FAF1: variants seen among roughly 807,000 people sequenced by gnomAD.
The protein encoded by FAF1 is Fas associated factor 1, also known as FAS-associated factor 1.
A neutral mutation model predicts 92.5 loss-of-function variants in FAF1; 25 were observed. That is an observed-to-expected ratio of 0.27 (90% CI 0.20 to 0.38). The LOEUF (loss-of-function observed/expected upper bound fraction) is 0.38, where lower values mean the gene tolerates loss of function less well. FAF1 is among the 10% of genes least tolerant of loss of function. The pLI, the probability that FAF1 is intolerant of heterozygous loss-of-function variation, is 1.00. For missense variants in FAF1, 636 were observed against 793.3 expected, an observed-to-expected ratio of 0.80 and a Z score of 2.38; for synonymous variants, 234 against 273.2, an observed-to-expected ratio of 0.86 and a Z score of 1.42.
intron 6 of FAF1, among the ~76,000 whole-genome samples, chr1:50,719,900 G>A (rs576665740): frequency 4.6e-5 from 7 of 152,242 alleles, no homozygotes; most frequent in Non-Finnish European, 1.0e-4. Context: ...CCAATTAGAT[G>A]TGTTGTGATT....
chr1:50,822,637 T>G lies in FAF1; in HGVS notation c.115-20960A>C, dbSNP rs148507691. Reference sequence around the variant, plus strand: ...ACTGCCTTCTCTATTCAATGAAATGTGGAGAGGAAAGGAAGATTGTCAACT... The same window carrying G: ...ACTGCCTTCTCTATTCAATGAAATGGGGAGAGGAAAGGAAGATTGTCAACT... On this transcript the variant is annotated intron_variant, in intron 2 of 18. Coordinates refer to ENST00000396153, the MANE Select transcript of FAF1 (RefSeq NM_007051.3). Among the ~76,000 whole-genome samples, 4 of 152,284 alleles carry G rather than the reference T, an allele frequency of 2.6e-5. No individual in the cohort carries two copies. The East Asian group carries it at 7.7e-4, about 29-fold the overall frequency.
intron 4 of FAF1, among the ~76,000 whole-genome samples, chr1:50,757,877 C>G (rs749421782): frequency 3.9e-5 from 6 of 151,990 alleles, no homozygotes; most frequent in Non-Finnish European, 7.4e-5. Flanking sequence ...AGCTTAATGA[C>G]CATTATGTGT....
chr1:50,714,539 A>G (rs1276857955), intron 6 of FAF1, among the ~76,000 whole-genome samples: 1 of 151,890 alleles, frequency 6.6e-6, no homozygotes, highest in African/African-American at 2.4e-5. Flanking sequence ...AACCAAAACA[A>G]ACAAACAAAA....
chr1:50,451,599 G>A (rs1429591683), intron 18 of FAF1, among the ~76,000 whole-genome samples: 2 of 152,140 alleles, frequency 1.3e-5, no homozygotes, highest in Non-Finnish European at 2.9e-5. Context: ...CCCTTGCTTG[G>A]GAGGACTGTA....
intron 6 of FAF1, among the ~76,000 whole-genome samples, chr1:50,728,026 T>A (rs1237005371): frequency 6.6e-6 from 1 of 152,206 alleles, no homozygotes; most frequent in African/African-American, 2.4e-5. Context: ...AGCTTGTGAT[T>A]GTGTGAGTTA....
rs759732173 is a variant in FAF1, at chr1:50,629,161, C to CTT, written c.744+26279_744+26280dup. Among the ~76,000 whole-genome samples, 1,046 of 110,534 alleles carry CTT rather than the reference C, an allele frequency of 9.5e-3. 19 individuals are homozygous for CTT. The highest frequency in any genetic ancestry group is 0.023 in the African/African-American group (642 of 27,434). 72.5% of individuals were successfully genotyped at this position (110,534 alleles called of 152,430 possible). A position where few individuals can be genotyped will look rare whatever the true frequency, so the allele number is the denominator to read the frequency against. ...TCAATCTTATAGATCCAGATAGATG[C>CTT]TTTTTTTTTTTTTTTTTTTTTGAGA... On this transcript the variant is annotated intron_variant, in intron 8 of 18. Coordinates refer to ENST00000396153, the MANE Select transcript of FAF1 (RefSeq NM_007051.3).
intron 4 of FAF1, among the ~76,000 whole-genome samples, chr1:50,757,006 T>C (rs1431465612): frequency 1.3e-5 from 2 of 152,226 alleles, no homozygotes; most frequent in Admixed American, 6.5e-5. Flanking sequence ...CCCTTGTGAT[T>C]TCTTCTTTGA....
At position 50,862,869 on chromosome 1, in the gene FAF1, A is replaced by C. The variant is rs1448366282; in HGVS notation, c.46-4872T>G. The stretch of plus-strand genomic sequence containing the variant: ...AATGCTAAATATACATACACTAAAC[A>C]CTGGAGCTCCCATTTATAAAAGCTC... On this transcript the variant is annotated intron_variant, in intron 1 of 18. Coordinates refer to ENST00000396153, the MANE Select transcript of FAF1 (RefSeq NM_007051.3). Among the ~76,000 whole-genome samples, 9 of 151,950 alleles carry C rather than the reference A, an allele frequency of 5.9e-5. No homozygotes were observed. In the East Asian group the frequency reaches 1.7e-3, roughly 29 times the overall value.
At chr1:50,479,420 A>G (rs1214732069) in intron 17 of FAF1, among the ~76,000 whole-genome samples, 1 of 152,218 alleles carries the variant, frequency 6.6e-6, no homozygotes, top group African/African-American at 2.4e-5. Context: ...CCACTTAGCA[A>G]ATGCTGACAC....
In FAF1 at chr1:50,870,195, G is replaced by A. The variant is rs180857498; in HGVS notation, c.46-12198C>T. Among the ~76,000 whole-genome samples, 15 of 152,300 alleles carry A rather than the reference G, an allele frequency of 9.8e-5. No homozygotes were observed. The East Asian group carries it at 2.3e-3, about 23-fold the overall frequency. On this transcript the variant is annotated intron_variant, in intron 1 of 18. Coordinates refer to ENST00000396153, the MANE Select transcript of FAF1 (RefSeq NM_007051.3). ...GAAGGGGCCGGGCACATTGGCTCAC[G>A]CCTATAATCCTAGCACTTTGGGAGG...
intron 8 of FAF1, among the ~76,000 whole-genome samples, chr1:50,638,457 T>G (rs902283403): frequency 6.7e-6 from 1 of 150,148 alleles, no homozygotes; most frequent in Admixed American, 6.6e-5. Context: ...TTTTTTTTTT[T>G]TTTTTGAGAT....
chr1:50,464,897 CA>C (rs1181558073), intron 18 of FAF1, among the ~76,000 whole-genome samples: 1 of 152,214 alleles, frequency 6.6e-6, no homozygotes, highest in Non-Finnish European at 1.5e-5. Context: ...TCCAAGTATA[CA>C]GAGGACAGGA....
chr1:50,475,731 A>G (rs1361607431), intron 17 of FAF1, 52 bp from the exon 18 acceptor site: 1 of 1,242,168 alleles, frequency 8.1e-7, no homozygotes, highest in Non-Finnish European at 1.1e-6. Flanking sequence ...TGGACTATGG[A>G]GAGTGGGGAG....
chr1:50,746,334 A>T (rs1288218687), intron 4 of FAF1, among the ~76,000 whole-genome samples: 3 of 94,998 alleles, frequency 3.2e-5, no homozygotes, highest in Non-Finnish European at 3.8e-5. Context: ...ACAGAGTTTC[A>T]CTCTTGTTGC....
At chr1:50,483,722 T>C (rs1204182552) in intron 17 of FAF1, among the ~76,000 whole-genome samples, 1 of 152,006 alleles carries the variant, frequency 6.6e-6, no homozygotes, top group Non-Finnish European at 1.5e-5. Flanking sequence ...TAGATGAGGG[T>C]GATAGTGGTG....
chr1:50,623,090 G>A (rs1175596348), intron 8 of FAF1, among the ~76,000 whole-genome samples: 2 of 152,070 alleles, frequency 1.3e-5, no homozygotes, highest in African/African-American at 4.8e-5. Context: ...AACTTTACCT[G>A]TATTGCTTCA....
intron 4 of FAF1, among the ~76,000 whole-genome samples, chr1:50,755,548 G>T (rs186478577): frequency 6.6e-6 from 1 of 152,292 alleles, no homozygotes; most frequent in Admixed American, 6.5e-5. Flanking sequence ...ACCATTCTGG[G>T]GTCTGGAGAA....
intron 7 of FAF1, among the ~76,000 whole-genome samples, chr1:50,676,347 C>T (rs554132973): frequency 6.7e-6 from 1 of 150,308 alleles, no homozygotes; most frequent in African/African-American, 2.5e-5. Context: ...GTGGAGGTTG[C>T]AGTGAGCCAA....
At chr1:50,491,084 G>C (rs1646834102) in intron 16 of FAF1, among the ~76,000 whole-genome samples, 1 of 151,934 alleles carries the variant, frequency 6.6e-6, no homozygotes, top group African/African-American at 2.4e-5. Flanking sequence ...CCCTCCTACT[G>C]CTCTTTCTCT....
Sources: allele counts gnomAD v4.1 joint callset (sites outside exome capture counted in the v4.1 genomes callset), GRCh38; gene constraint gnomAD v4.1.1; transcripts MANE v1.5; gene names NCBI Gene and HGNC (gene_info 2026-07-23, HGNC 2026-07-21).